The following CBFB variants were observed in gnomAD, a reference collection of about 807,000 sequenced individuals.
The protein encoded by CBFB is CBF-beta.
A neutral mutation model predicts 30.4 loss-of-function variants in CBFB; 9 were observed. That is an observed-to-expected ratio of 0.30 (90% confidence interval 0.18 to 0.52). CBFB has a LOEUF of 0.52. CBFB is among the 20% of genes least tolerant of loss of function. The probability of loss-of-function intolerance (pLI) is 0.97; values close to 1 mark genes in which losing one functional copy is unlikely to be tolerated. For missense variants in CBFB, 170 were observed against 244.0 expected (o/e 0.70, Z 2.02); for synonymous variants, 94 against 84.0 (o/e 1.12, Z -0.65).
intron 4 of CBFB, among the ~76,000 whole-genome samples, chr16:67,071,889 C>G (rs571148258): frequency 6.6e-6 from 1 of 152,274 alleles, no homozygotes; most frequent in South Asian, 2.1e-4. Context: ...AATCACAAAG[C>G]ATGGATTTCA....
chr16:67,033,154 C>T (rs1966381575), intron 2 of CBFB, among the ~76,000 whole-genome samples: 1 of 152,094 alleles, frequency 6.6e-6, no homozygotes, highest in South Asian at 2.1e-4. Flanking sequence ...GGATTACAGG[C>T]GTGAGCCACC....
chr16:67,067,407 A>G (rs1331917547), intron 4 of CBFB, among the ~76,000 whole-genome samples: 1 of 152,162 alleles, frequency 6.6e-6, no homozygotes, highest in Non-Finnish European at 1.5e-5. Context: ...AATCCCAGCT[A>G]CTTGGGAAGT....
At chr16:67,054,593 A>G (rs1960658034) in intron 3 of CBFB, among the ~76,000 whole-genome samples, 2 of 152,104 alleles carry the variant, frequency 1.3e-5, no homozygotes, top group African/African-American at 4.8e-5. Flanking sequence ...TTTCTGGAAC[A>G]TCTACTATTT....
In CBFB at chr16:67,098,802, T is replaced by C. The variant is rs894003927; in HGVS notation, c.*24T>C. 1 of 1,379,666 alleles carries C rather than the reference T, an allele frequency of 7.2e-7. No homozygotes were observed. Among genetic ancestry groups the C allele is most frequent in the Non-Finnish European group, 1.0e-6 (1 of 969,000 alleles). 85.5% of individuals were successfully genotyped at this position (1,379,666 alleles called of 1,614,324 possible). A position where few individuals can be genotyped will look rare whatever the true frequency, so the allele number is the denominator to read the frequency against. ...AATTAATAGCACAGCAGATGTGTGCTGCCCATCTTTACATACACATTGCTT... is the reference window on the plus strand; with the variant it reads ...AATTAATAGCACAGCAGATGTGTGCCGCCCATCTTTACATACACATTGCTT... On this transcript the variant is annotated 3_prime_UTR_variant, in exon 6 of 6. Coordinates refer to ENST00000412916, the MANE Select transcript of CBFB (RefSeq NM_022845.3).
chr16:67,074,281 A>G (rs540741938), intron 4 of CBFB, among the ~76,000 whole-genome samples: 40 of 152,314 alleles, frequency 2.6e-4, no homozygotes, highest in African/African-American at 9.6e-4. Context: ...TGATGCTGGG[A>G]CAATAAAACA....
intron 3 of CBFB, among the ~76,000 whole-genome samples, chr16:67,052,073 T>G (rs1960570752): frequency 6.6e-6 from 1 of 151,910 alleles, no homozygotes; most frequent in South Asian, 2.1e-4. Flanking sequence ...GCTCAAGCCC[T>G]CCTCCCATGT....
chr16:67,085,969 T>A (rs970747930), intron 5 of CBFB, among the ~76,000 whole-genome samples: 1 of 152,316 alleles, frequency 6.6e-6, no homozygotes, highest in Non-Finnish European at 1.5e-5. Context: ...TGAGCCACTG[T>A]GCCCGGCTTA....
At chr16:67,074,879 T>G in intron 4 of CBFB, among the ~76,000 whole-genome samples, 1 of 152,116 alleles carries the variant, frequency 6.6e-6, no homozygotes, top group Non-Finnish European at 1.5e-5. Flanking sequence ...GGAAAATGTT[T>G]TCTGGCAAAG....
chr16:67,044,725 A>G (rs1474289361), intron 3 of CBFB, among the ~76,000 whole-genome samples: 1 of 152,230 alleles, frequency 6.6e-6, no homozygotes, highest in Non-Finnish European at 1.5e-5. Context: ...GTCCCAAAAT[A>G]CATATTGTGT....
chr16:67,069,704 A>G (rs1397104048), intron 4 of CBFB, among the ~76,000 whole-genome samples: 1 of 152,262 alleles, frequency 6.6e-6, no homozygotes, highest in Non-Finnish European at 1.5e-5. Flanking sequence ...GAGACAAGGA[A>G]TCATGAAAGC....
intron 2 of CBFB, among the ~76,000 whole-genome samples, chr16:67,036,200 G>A (rs1966437965): frequency 6.6e-6 from 1 of 152,156 alleles, no homozygotes; most frequent in South Asian, 2.1e-4. Flanking sequence ...CAGTGTTTCA[G>A]CAAGGGAAAT....
chr16:67,048,257 CA>C (rs199622824), intron 3 of CBFB, among the ~76,000 whole-genome samples: 5 of 151,118 alleles, frequency 3.3e-5, no homozygotes, highest in Non-Finnish European at 3.0e-5. Context: ...AAACAAATAA[CA>C]AAAAAAACCC....
At chr16:67,089,334 A>C in intron 5 of CBFB, among the ~76,000 whole-genome samples, 1 of 152,186 alleles carries the variant, frequency 6.6e-6, no homozygotes, top group East Asian at 1.9e-4. Context: ...CTCTAGTAGA[A>C]TATCTAAGAA....
intron 3 of CBFB, among the ~76,000 whole-genome samples, chr16:67,054,467 C>G (rs1026626155): frequency 1.3e-5 from 2 of 152,178 alleles, no homozygotes; most frequent in African/African-American, 4.8e-5. Context: ...TGTCGGTCCA[C>G]AGTCATTCCT....
intron 1 of CBFB, 107 bp from the exon 2 acceptor site, chr16:67,029,620 C>G: frequency 7.6e-7 from 1 of 1,309,588 alleles, no homozygotes; most frequent in Non-Finnish European, 1.1e-6. Context: ...CCGGGGCGGC[C>G]ATCGCCCGCA....
In CBFB at chr16:67,085,659, C is replaced by T. The variant is rs546240232; in HGVS notation, c.495+3351C>T. Among the ~76,000 whole-genome samples the T allele has an allele frequency of 5.2e-3, 779 of 148,992 alleles. 3 individuals carry two copies. The highest frequency in any genetic ancestry group is 0.018 in the African/African-American group (724 of 40,200). On this transcript the variant is annotated intron_variant, in intron 5 of 5. Coordinates refer to ENST00000412916, the MANE Select transcript of CBFB (RefSeq NM_022845.3). The stretch of plus-strand genomic sequence containing the variant: ...ACAGATGTGAACCACTGCACCCAGC[C>T]TAAAATTTAGTATCTTTTTTTTTTT...
chr16:67,030,474 C>T (rs559641823), intron 2 of CBFB, among the ~76,000 whole-genome samples: 23 of 151,772 alleles, frequency 1.5e-4, no homozygotes, highest in Non-Finnish European at 5.9e-5. Context: ...AGATTTAGTG[C>T]GTCTTCACCA....
At chr16:67,081,368 A>T (rs1351863302) in intron 4 of CBFB, among the ~76,000 whole-genome samples, 1 of 152,024 alleles carries the variant, frequency 6.6e-6, no homozygotes, top group East Asian at 1.9e-4. Context: ...ATGCACACGT[A>T]TGTTTATTGT....
chr16:67,029,705 T>G (rs756470299), intron 1 of CBFB, 22 bp from the exon 2 acceptor site: 1 of 1,571,414 alleles, frequency 6.4e-7, no homozygotes, highest in Non-Finnish European at 8.7e-7. Context: ...GGCTCCTGAT[T>G]TCGGGCCGTC....
Sources: allele counts gnomAD v4.1 joint callset (sites outside exome capture counted in the v4.1 genomes callset), GRCh38; gene constraint gnomAD v4.1.1; transcripts MANE v1.5; gene names NCBI Gene and HGNC (gene_info 2026-07-23, HGNC 2026-07-21).